The following ADTRP variants were observed in gnomAD, a reference collection of about 807,000 sequenced individuals.
The protein encoded by ADTRP is androgen dependent TFPI regulating protein, also known as androgen-dependent TFPI-regulating protein.
ADTRP carries 20 observed loss-of-function variants against 27.0 expected under a neutral mutation model. The ratio of observed to expected loss-of-function variants is 0.74; its 90% CI spans 0.52 to 1.08. The LOEUF (loss-of-function observed/expected upper bound fraction) is 1.08. Ranked by LOEUF, ADTRP falls within the 50% of genes least tolerant of loss-of-function variation. ADTRP has a pLI of 0.00. For missense variants in ADTRP, 251 were observed against 275.0 expected (o/e 0.91, Z 0.62); for synonymous variants, 101 against 105.2 (o/e 0.96, Z 0.25).
chr6:11,724,760 G>A (rs907898930), intron 4 of ADTRP, among the ~76,000 whole-genome samples: 2 of 152,292 alleles, frequency 1.3e-5, no homozygotes, highest in East Asian at 3.9e-4. Context: ...TGTGTAAAGT[G>A]AAGATCCAAA....
intron 3 of ADTRP, among the ~76,000 whole-genome samples, chr6:11,753,010 T>C (rs1763106117): frequency 6.6e-6 from 1 of 152,360 alleles, no homozygotes; most frequent in Middle Eastern, 3.4e-3. Flanking sequence ...AAACATACTT[T>C]GCCTGTTTAA....
At chr6:11,766,523 A>T in intron 2 of ADTRP, 148 bp from the exon 3 acceptor site, 2 of 493,746 alleles carry the variant, frequency 4.1e-6, no homozygotes, top group East Asian at 7.5e-5. Context: ...GTACATATAC[A>T]TTACAGTAAT....
chr6:11,729,435 A>T (rs865810038), intron 4 of ADTRP, among the ~76,000 whole-genome samples: 2 of 152,000 alleles, frequency 1.3e-5, no homozygotes, highest in African/African-American at 4.8e-5. Context: ...TGGTTTTCTA[A>T]CTTCCTGCCC....
At chr6:11,746,290 A>T (rs210925) in intron 3 of ADTRP, among the ~76,000 whole-genome samples, 96,011 of 151,992 alleles carry the variant, frequency 0.63, 30,718 homozygotes, top group East Asian at 0.93. Context: ...AATAGATGAG[A>T]TAACCCAAAG....
At position 11,766,297 on chromosome 6, in the gene ADTRP, G is replaced by C; in HGVS notation, c.367C>G (p.Pro123Ala). ...IYPKVLDTVI[P>A]VWLNHAMHTF... ...ACCATTGCATGATTCAGCCACACGGGGATGACAGTATCTAGGACCTTGGGG... is the reference window on the plus strand; with the variant it reads ...ACCATTGCATGATTCAGCCACACGGCGATGACAGTATCTAGGACCTTGGGG... Residue 123 changes from proline (P) to alanine (A), a missense_variant, in exon 3 of 6, where the codon CCC becomes GCC. Coordinates refer to ENST00000414691, the MANE Select transcript of ADTRP (RefSeq NM_032744.4). 1.2e-6 allele frequency: 2 copies of C among 1,611,958 alleles called. No homozygotes were observed. Among genetic ancestry groups the C allele is most frequent in the South Asian group, 2.2e-5 (2 of 90,602 alleles).
At chr6:11,776,034 C>T (rs1288299023) in intron 1 of ADTRP, among the ~76,000 whole-genome samples, 3 of 54,412 alleles carry the variant, frequency 5.5e-5, no homozygotes, top group Non-Finnish European at 1.0e-4. Flanking sequence ...TTAGGAGACA[C>T]AACCATTAAT....
chr6:11,726,332 G>A (rs1477280581), intron 4 of ADTRP, among the ~76,000 whole-genome samples: 1 of 152,198 alleles, frequency 6.6e-6, no homozygotes, highest in Non-Finnish European at 1.5e-5. Flanking sequence ...TTGGTGTTGG[G>A]AGGGGGAGCC....
At chr6:11,738,271 G>C (rs1393251475) in intron 3 of ADTRP, among the ~76,000 whole-genome samples, 6 of 152,180 alleles carry the variant, frequency 3.9e-5, no homozygotes, top group Non-Finnish European at 8.8e-5. Flanking sequence ...AGAGGCTGTG[G>C]CATGCCAGCT....
At chr6:11,770,051 G>A in intron 1 of ADTRP, 1 of 1,551,648 alleles carries the variant, frequency 6.4e-7, no homozygotes, top group Non-Finnish European at 8.7e-7. Flanking sequence ...CTTCCTGGCT[G>A]GTAGATGTCA....
intron 3 of ADTRP, among the ~76,000 whole-genome samples, chr6:11,759,183 C>T (rs901103867): frequency 2.0e-5 from 3 of 152,206 alleles, no homozygotes; most frequent in East Asian, 1.9e-4. Flanking sequence ...GGAAGACTGA[C>T]GTTTAGCCAG....
At chr6:11,745,125 G>A (rs1486498455) in intron 3 of ADTRP, among the ~76,000 whole-genome samples, 3 of 151,914 alleles carry the variant, frequency 2.0e-5, no homozygotes, top group African/African-American at 4.8e-5. Context: ...CTACTCATTG[G>A]TGATTTTTCT....
chr6:11,730,260 T>A (rs987503081), intron 4 of ADTRP, among the ~76,000 whole-genome samples: 10 of 152,132 alleles, frequency 6.6e-5, no homozygotes, highest in Non-Finnish European at 1.2e-4. Context: ...ACAGGTAGGG[T>A]AAGGATTTCT....
At chr6:11,743,608 G>A (rs973474772) in intron 3 of ADTRP, among the ~76,000 whole-genome samples, 2 of 152,148 alleles carry the variant, frequency 1.3e-5, no homozygotes, top group Non-Finnish European at 2.9e-5. Flanking sequence ...CATAACACTC[G>A]TACGTTCGCC....
intron 1 of ADTRP, among the ~76,000 whole-genome samples, chr6:11,773,804 G>A (rs148744044): frequency 9.2e-5 from 14 of 152,336 alleles, no homozygotes; most frequent in African/African-American, 3.4e-4. Flanking sequence ...GGTTTCAGAA[G>A]CCAGGTCTTC....
At chr6:11,758,569 G>T (rs1763287199) in intron 3 of ADTRP, among the ~76,000 whole-genome samples, 1 of 90,566 alleles carries the variant, frequency 1.1e-5, no homozygotes, top group Non-Finnish European at 2.3e-5. Context: ...GGGGACTGTT[G>T]TGGGGTGGGG....
chr6:11,758,289 A>C (rs1265568189), intron 3 of ADTRP, among the ~76,000 whole-genome samples: 1 of 152,142 alleles, frequency 6.6e-6, no homozygotes, highest in Non-Finnish European at 1.5e-5. Flanking sequence ...GCACATGATG[A>C]GATTTTAATG....
At chr6:11,757,772 C>T (rs935024184) in intron 3 of ADTRP, among the ~76,000 whole-genome samples, 2 of 152,184 alleles carry the variant, frequency 1.3e-5, no homozygotes, top group Admixed American at 1.3e-4. Flanking sequence ...CTGCTGGCAA[C>T]ACCAGAAGCT....
At chr6:11,715,806 C>CTTTTTTTTTTTT (rs55961408) in intron 5 of ADTRP, among the ~76,000 whole-genome samples, 29 of 77,728 alleles carry the variant, frequency 3.7e-4, no homozygotes, top group Non-Finnish European at 4.4e-4. Context: ...CCATGCCCAG[C>CTTTTTTTTTTTT]TTTTTTTTTT....
chr6:11,768,113 C>G (rs1227558785), intron 2 of ADTRP, 136 bp downstream of exon 2: 2 of 1,091,646 alleles, frequency 1.8e-6, no homozygotes, highest in African/African-American at 3.2e-5. Context: ...GTGGCGCAGT[C>G]CTCAGACAGG....
Sources: gnomAD v4.1 joint callset for allele counts (sites outside exome capture counted in the v4.1 genomes callset) on GRCh38, gnomAD v4.1.1 for gene constraint, MANE v1.5 for transcripts, NCBI Gene and HGNC (gene_info 2026-07-23, HGNC 2026-07-21) for gene names.